ZNF541: variants seen among roughly 807,000 people sequenced by gnomAD.
ZNF541 encodes the protein zinc finger protein 541.
A neutral mutation model predicts 123.5 loss-of-function variants in ZNF541; 23 were observed. The ratio of observed to expected loss-of-function variants is 0.19; its 90% CI spans 0.13 to 0.26. The LOEUF (loss-of-function observed/expected upper bound fraction) is 0.26, where lower values mean the gene tolerates loss of function less well. Among genes scored for constraint, ZNF541 ranks in the 10% least tolerant of loss-of-function variants. The pLI is 1.00. For missense variants in ZNF541, 1,612 were observed against 1,789.9 expected (o/e 0.90, Z 1.79); for synonymous variants, 751 against 754.5 (o/e 1.00, Z 0.08).
chr19:47,544,628 A>C lies in ZNF541; in HGVS notation c.1901T>G (p.Val634Gly). 6.5e-7 allele frequency: 1 copy of C among 1,549,498 alleles called. No individual in the cohort carries two copies. The highest frequency in any genetic ancestry group is 1.4e-5 in the African/African-American group (1 of 73,000). The change falls in exon 5 of 17, where the codon GTT (valine) becomes GGT (glycine). Residue 634 changes from valine (V) to glycine (G), a missense_variant. By Grantham distance (109) the Val-to-Gly change is moderately radical. This residue lies in a region of ZNF541 where 1,080 missense variants were observed against 1,013.8 expected (regional missense o/e 1.07). Transcript: ENST00000391901. ...PARRRKTTPG[V>G]PREASPGSTR... ...GCTGCCGGGGGAGGCCTCTCTGGGA[A>C]CCCCGGGTGTGGTTTTTCTCCTGCG...
In ZNF541 at chr19:47,521,129, TG is replaced by T; in HGVS notation, c.*94del. ...GTTGGCCAACAGGGGACAGGGAGGG[TG>T]GGGGGAGGCAGAGGGGTGCCCCAAA... On this transcript the variant is annotated 3_prime_UTR_variant, in exon 17 of 17. Coordinates refer to ENST00000391901, the MANE Select transcript of ZNF541 (RefSeq NM_001277075.3). This position sits in a 1 kb window ranked among gnomAD's most constrained non-coding sequence, Gnocchi z 4.2. The T allele has an allele frequency of 5.6e-6, 8 of 1,431,766 alleles. No individual in the cohort carries two copies. The highest frequency in any genetic ancestry group is 2.3e-5 in the Admixed American group (1 of 42,620). 88.7% of individuals were successfully genotyped at this position (1,431,766 alleles called of 1,614,324 possible). A position where few individuals can be genotyped will look rare whatever the true frequency, so the allele number is the denominator to read the frequency against.
intron 14 of ZNF541, among the ~76,000 whole-genome samples, chr19:47,524,812 AG>A (rs1282349274): frequency 6.6e-6 from 1 of 152,080 alleles, no homozygotes; most frequent in Non-Finnish European, 1.5e-5. Flanking sequence ...AGGAGGTCAA[AG>A]GGTGCAGTGA....
chr19:47,540,277 T>C lies in ZNF541; in HGVS notation c.2521A>G (p.Lys841Glu). ...WTKPRSTFVC[K>E]NCSQMFYTEK... ...GTATAAAACATCTGGCTGCAGTTCT[T>C]GCAGACAAAAGTGCTCCTGGGCTTC... Residue 841 changes from lysine to glutamate, a missense_variant, in exon 7 of 17, where the codon AAG (lysine) becomes GAG (glutamate). Transcript: ENST00000391901. 6.4e-7 allele frequency: 1 copy of C among 1,552,000 alleles called. No individual in the cohort carries two copies. Among genetic ancestry groups the C allele is most frequent in the Non-Finnish European group, 8.7e-7 (1 of 1,147,048 alleles).
Position 47,534,666 on chromosome 19 carries a change from A to AC in ZNF541, c.3095-1695dup, listed in dbSNP as rs577516251. Among the ~76,000 whole-genome samples the AC allele has an allele frequency of 3.1e-3, 463 of 151,204 alleles. 2 individuals carry two copies. Among genetic ancestry groups the AC allele is most frequent in the African/African-American group, 0.01 (431 of 41,192 alleles). Reference sequence around the variant, plus strand: ...TCTCAAAAAAAAACCCCTCCAAACCACCCCCCCAAAACAAAAAAACAAAAG... The same window carrying AC: ...TCTCAAAAAAAAACCCCTCCAAACCACCCCCCCCAAAACAAAAAAACAAAAG... On this transcript the variant is annotated intron_variant, in intron 9 of 16. Transcript: ENST00000391901.
intron 14 of ZNF541, among the ~76,000 whole-genome samples, chr19:47,522,875 T>C (rs1038976159): frequency 5.3e-5 from 8 of 151,242 alleles, no homozygotes; most frequent in African/African-American, 1.7e-4. Context: ...GCCTCCTGAG[T>C]AGCTGGGATT....
At chr19:47,540,388 C>T (rs1450602006) in intron 6 of ZNF541, 53 bp from the exon 7 acceptor site, 7 of 1,458,102 alleles carry the variant, frequency 4.8e-6, no homozygotes, top group Non-Finnish European at 6.4e-6. Context: ...TGTCCTTGAT[C>T]ACTGATTTTT....
intron 2 of ZNF541, among the ~76,000 whole-genome samples, chr19:47,568,039 C>T (rs1009572762): frequency 1.3e-5 from 2 of 152,290 alleles, no homozygotes; most frequent in East Asian, 3.9e-4. Context: ...GGCTGGGACT[C>T]GGCCTTAGGT....
rs1457955848 is a variant in ZNF541 at position 47,545,194 on chromosome 19, G to C, written c.1335C>G (p.Ser445=). The C allele has an allele frequency of 6.6e-7, 1 of 1,521,002 alleles. No individual in the cohort carries two copies. The highest frequency in any genetic ancestry group is 1.4e-5 in the African/African-American group (1 of 72,532). The allele number at this position is 1,521,002 out of a possible 1,614,324, so 94.2% of individuals were successfully genotyped here. The change falls in exon 5 of 17, where the codon TCC becomes TCG. Residue 445 remains serine (S), a synonymous_variant. Transcript: ENST00000391901. This position sits in a 1 kb window ranked among gnomAD's most constrained non-coding sequence, Gnocchi z 7.5. ...KPSAVPSREG[S]ESGPGPSSGS... is the part of the protein sequence containing the mutation. Reference sequence around the variant, plus strand: ...CGCTGCTGGGTCCCGGGCCAGACTCGGAGCCCTCCCGCGAGGGCACGGCCG... The same window carrying C: ...CGCTGCTGGGTCCCGGGCCAGACTCCGAGCCCTCCCGCGAGGGCACGGCCG...
intron 2 of ZNF541, among the ~76,000 whole-genome samples, chr19:47,563,405 T>C (rs1366635756): frequency 6.6e-6 from 1 of 152,148 alleles, no homozygotes; most frequent in Admixed American, 6.6e-5. Context: ...CACCAGATGA[T>C]ATTCGAGATG....
At chr19:47,552,335 C>T (rs1212110085) in intron 3 of ZNF541, among the ~76,000 whole-genome samples, 2 of 152,124 alleles carry the variant, frequency 1.3e-5, no homozygotes, top group Non-Finnish European at 2.9e-5. Flanking sequence ...GGAAACTGGG[C>T]TGGGAGTCTT....
At chr19:47,526,314 C>T (rs550216542) in intron 14 of ZNF541, among the ~76,000 whole-genome samples, 35 of 151,622 alleles carry the variant, frequency 2.3e-4, no homozygotes, top group Admixed American at 5.9e-4. Context: ...AAACCCCGTC[C>T]CTACTAAAAA....
At chr19:47,524,261 GA>G (rs1225806820) in intron 14 of ZNF541, among the ~76,000 whole-genome samples, 1 of 152,210 alleles carries the variant, frequency 6.6e-6, no homozygotes, top group African/African-American at 2.4e-5. Context: ...GTGATCTGGT[GA>G]AAATCACCAT....
intron 2 of ZNF541, among the ~76,000 whole-genome samples, chr19:47,567,503 G>A (rs917253890): frequency 1.3e-5 from 2 of 152,158 alleles, no homozygotes; most frequent in Non-Finnish European, 1.5e-5. Flanking sequence ...CAAATGATCC[G>A]CCCTCCTCGG....
At chr19:47,536,484 C>T (rs771956404) in intron 9 of ZNF541, among the ~76,000 whole-genome samples, 7 of 152,158 alleles carry the variant, frequency 4.6e-5, no homozygotes, top group Non-Finnish European at 4.4e-5. Context: ...GTGATCCACC[C>T]GCCCCAGCCT....
chr19:47,552,578 C>T lies in ZNF541; in HGVS notation c.307+2972G>A, dbSNP rs187610768. 3.6e-3 allele frequency among the ~76,000 whole-genome samples: 551 copies of T among 151,720 alleles called. 5 individuals carry two copies. Among genetic ancestry groups the T allele is most frequent in the African/African-American group, 0.013 (535 of 41,418 alleles). On this transcript the variant is annotated intron_variant, in intron 3 of 16. Transcript: ENST00000391901. ...CTAACATGGTGAAACCCCGTCTCTA[C>T]TAAAAATACAAAAAATTAGCTGGGG...
chr19:47,551,783 C>A (rs1422924730), intron 3 of ZNF541, among the ~76,000 whole-genome samples: 1 of 152,196 alleles, frequency 6.6e-6, no homozygotes, highest in African/African-American at 2.4e-5. Flanking sequence ...ATCCTCCTGA[C>A]TTGGCCTCCC....
chr19:47,543,526 T>C (rs1271787132), intron 5 of ZNF541, among the ~76,000 whole-genome samples: 1 of 151,304 alleles, frequency 6.6e-6, no homozygotes, highest in Non-Finnish European at 1.5e-5. Context: ...TCTACCTTCA[T>C]ATCCTCTGAA....
chr19:47,554,295 G>C (rs1970724446), intron 3 of ZNF541, among the ~76,000 whole-genome samples: 1 of 152,156 alleles, frequency 6.6e-6, no homozygotes, highest in Non-Finnish European at 1.5e-5. Flanking sequence ...GCTGGGTGTG[G>C]TGGCACACAC....
In ZNF541 at chr19:47,533,104, C is replaced by T. The variant is rs541451613; in HGVS notation, c.3095-132G>A. The stretch of plus-strand genomic sequence containing the variant: ...CATGGGTTGGCCGGGCACAGTGGTT[C>T]ACGCCTGTAATCCCAGCACTTTGGG... On this transcript the variant is annotated intron_variant, in intron 9 of 16. Coordinates refer to ENST00000391901, the MANE Select transcript of ZNF541 (RefSeq NM_001277075.3). 134 of 688,962 alleles carry T rather than the reference C, an allele frequency of 1.9e-4. No individual in the cohort carries two copies. In the African/African-American group the frequency reaches 2.4e-3, roughly 12 times the overall value. 42.7% of individuals were successfully genotyped at this position (688,962 alleles called of 1,614,324 possible).
Sources: allele counts gnomAD v4.1 joint callset (sites outside exome capture counted in the v4.1 genomes callset), GRCh38; gene constraint gnomAD v4.1.1; regional missense constraint gnomAD v4.1.1; non-coding constraint Gnocchi (gnomAD v3.1); transcripts MANE v1.5; gene names NCBI Gene and HGNC (gene_info 2026-07-23, HGNC 2026-07-21).